The following IL1RAPL2 variants were observed in gnomAD, a reference collection of about 807,000 sequenced individuals.
IL1RAPL2 encodes the protein interleukin 1 receptor accessory protein like 2.
A neutral mutation model predicts 44.1 loss-of-function variants in IL1RAPL2; 3 were observed. The ratio of observed to expected loss-of-function variants is 0.07; its 90% confidence interval spans 0.03 to 0.18. The LOEUF is 0.18. Among genes scored for constraint, IL1RAPL2 ranks in the 10% least tolerant of loss-of-function variants. The pLI is 1.00. For missense variants in IL1RAPL2, 391 were observed against 496.4 expected, an observed-to-expected ratio of 0.79 and a Z score of 2.02; for synonymous variants, 181 against 178.8, an observed-to-expected ratio of 1.01 and a Z score of -0.10.
At chrX:104,865,691 T>G (rs1231772608) in intron 2 of IL1RAPL2, among the ~76,000 whole-genome samples, 1 of 112,485 alleles carries the variant, frequency 8.9e-6, no homozygotes, top group Non-Finnish European at 1.9e-5. Context: ...TGTTCCGCAC[T>G]TCATCTTTCT....
At chrX:105,300,959 G>T (rs1485362237) in intron 5 of IL1RAPL2, among the ~76,000 whole-genome samples, 1 of 111,563 alleles carries the variant, frequency 9.0e-6, no homozygotes, top group Non-Finnish European at 1.9e-5. Flanking sequence ...TCAGAGAAAT[G>T]GAATAAAAAT....
chrX:104,731,481 C>T (rs1931918406), intron 2 of IL1RAPL2, among the ~76,000 whole-genome samples: 1 of 111,597 alleles, frequency 9.0e-6, no homozygotes, highest in African/African-American at 3.3e-5. Flanking sequence ...CTACTCACTG[C>T]AGCCTCCACC....
At chrX:105,138,210 C>T (rs921188149) in intron 2 of IL1RAPL2, among the ~76,000 whole-genome samples, 2 of 111,704 alleles carry the variant, frequency 1.8e-5, no homozygotes, top group African/African-American at 6.5e-5. Flanking sequence ...TCTCCCTTTG[C>T]ACCATTCCTG....
intron 2 of IL1RAPL2, among the ~76,000 whole-genome samples, chrX:105,111,003 A>T (rs765548435): frequency 3.6e-5 from 4 of 112,070 alleles, no homozygotes; most frequent in African/African-American, 9.7e-5. Flanking sequence ...TTGTCTTTTT[A>T]AAAAAATAAA....
chrX:105,568,010 C>A (rs886581614), intron 6 of IL1RAPL2, among the ~76,000 whole-genome samples: 2 of 110,769 alleles, frequency 1.8e-5, no homozygotes, highest in East Asian at 5.7e-4. Flanking sequence ...TGCCACCAGG[C>A]CCCAGAGCAT....
intron 5 of IL1RAPL2, among the ~76,000 whole-genome samples, chrX:105,427,701 A>G (rs2035820330): frequency 8.9e-6 from 1 of 112,101 alleles, no homozygotes; most frequent in Admixed American, 9.5e-5. Flanking sequence ...TAGGAAGGAA[A>G]CTTCTTCATC....
At chrX:105,743,219 G>T (rs145675157) in intron 8 of IL1RAPL2, among the ~76,000 whole-genome samples, 1 of 111,619 alleles carries the variant, frequency 9.0e-6, no homozygotes, top group African/African-American at 3.3e-5. Flanking sequence ...TTATTCCCCT[G>T]ATCAGAACCC....
At chrX:105,486,648 A>G (rs2036268964) in intron 6 of IL1RAPL2, among the ~76,000 whole-genome samples, 1 of 111,268 alleles carries the variant, frequency 9.0e-6, no homozygotes, top group African/African-American at 3.3e-5. Flanking sequence ...ACGGTCTCGT[A>G]TCATTAGTTT....
chrX:104,975,558 C>T (rs1246597439), intron 2 of IL1RAPL2, among the ~76,000 whole-genome samples: 1 of 112,595 alleles, frequency 8.9e-6, no homozygotes, highest in Non-Finnish European at 1.9e-5. Context: ...AATCAAAGAA[C>T]ATGGTAAACT....
chrX:105,035,558 TA>T (rs921677456), intron 2 of IL1RAPL2, among the ~76,000 whole-genome samples: 2 of 111,837 alleles, frequency 1.8e-5, no homozygotes, highest in Admixed American at 9.5e-5. Context: ...CACAGGGGAA[TA>T]AAAAAAATTA....
chrX:104,631,528 A>T (rs1458564789), intron 1 of IL1RAPL2, among the ~76,000 whole-genome samples: 1 of 111,352 alleles, frequency 9.0e-6, no homozygotes, highest in African/African-American at 3.3e-5. Context: ...AATGATCGCC[A>T]TTCTAACTGG....
At chrX:104,697,572 A>G (rs904942361) in intron 2 of IL1RAPL2, among the ~76,000 whole-genome samples, 1 of 111,892 alleles carries the variant, frequency 8.9e-6, no homozygotes, top group African/African-American at 3.2e-5. Flanking sequence ...TCATCCATTC[A>G]GCCAATATTG....
At chrX:105,735,239 A>C (rs1292000694) in intron 7 of IL1RAPL2, among the ~76,000 whole-genome samples, 1 of 111,398 alleles carries the variant, frequency 9.0e-6, no homozygotes, top group Non-Finnish European at 1.9e-5. Flanking sequence ...ATCAGTGTTC[A>C]CTGCTACTAT....
intron 2 of IL1RAPL2, among the ~76,000 whole-genome samples, chrX:104,899,481 G>C (rs968487137): frequency 7.1e-5 from 8 of 111,983 alleles, no homozygotes; most frequent in African/African-American, 2.6e-4. Context: ...GAAATACAAA[G>C]ACAGCCTCTC....
intron 6 of IL1RAPL2, among the ~76,000 whole-genome samples, chrX:105,675,023 C>G (rs1035925360): frequency 1.1e-4 from 12 of 110,935 alleles, no homozygotes; most frequent in Admixed American, 1.9e-4. Flanking sequence ...TATCCTGAGA[C>G]TTTGCTGAAG....
At chrX:104,615,569 G>C (rs755696730) in intron 1 of IL1RAPL2, among the ~76,000 whole-genome samples, 1 of 111,218 alleles carries the variant, frequency 9.0e-6, no homozygotes, top group African/African-American at 3.3e-5. Flanking sequence ...CATTCCTTTT[G>C]ATGGCTGCAT....
intron 1 of IL1RAPL2, among the ~76,000 whole-genome samples, chrX:104,620,467 G>A (rs1014425775): frequency 9.4e-6 from 1 of 106,422 alleles, no homozygotes; most frequent in African/African-American, 3.4e-5. Flanking sequence ...GTGAAAACCC[G>A]TCTCTACTAA....
chrX:105,201,956 C>G (rs1325107079), intron 3 of IL1RAPL2, among the ~76,000 whole-genome samples: 1 of 111,704 alleles, frequency 9.0e-6, no homozygotes, highest in African/African-American at 3.3e-5. Context: ...ATTTTTCTAT[C>G]TGTTTTTGGT....
intron 1 of IL1RAPL2, 106 bp from the exon 2 acceptor site, chrX:104,658,789 C>T (rs988385476): frequency 1.9e-6 from 1 of 515,389 alleles, no homozygotes; most frequent in Non-Finnish European, 3.3e-6. Context: ...CCCAGATTGT[C>T]ATTGTTTCTC....
Sources: gnomAD v4.1 joint callset for allele counts (sites outside exome capture counted in the v4.1 genomes callset) on GRCh38, gnomAD v4.1.1 for gene constraint, MANE v1.5 for transcripts, NCBI Gene and HGNC (gene_info 2026-07-23, HGNC 2026-07-21) for gene names.